Variants in C4orf36 observed in about 807,000 individuals in gnomAD.
The protein encoded by C4orf36 is chromosome 4 open reading frame 36, also known as uncharacterized protein C4orf36.
C4orf36 carries 11 observed loss-of-function variants against 12.2 expected under a neutral mutation model. That is an observed-to-expected ratio of 0.90 (90% confidence interval 0.57 to 1.49). The LOEUF (loss-of-function observed/expected upper bound fraction) is 1.49, where lower values mean the gene tolerates loss of function less well. C4orf36 is among the 40% of genes most tolerant of loss of function. The pLI is 0.00. For missense variants in C4orf36, 137 were observed against 133.9 expected, an observed-to-expected ratio of 1.02 and a Z score of -0.11; for synonymous variants, 54 against 51.3, an observed-to-expected ratio of 1.05 and a Z score of -0.22.
the C4orf36 span, chr4:86,935,252 C>CCTGCGCCACCCAGGGCTGGGGGTCGAT: frequency 6.6e-6 from 1 of 152,358 alleles, no homozygotes; most frequent in Non-Finnish European, 1.5e-5. Context: ...TGAGCGCAGC[C>CCTGCGCCACCCAGGGCTGGGGGTCGAT]CTGCGCCACC....
chr4:86,901,545 C>G, the C4orf36 span, among the ~76,000 whole-genome samples: 8 of 150,740 alleles, frequency 5.3e-5, no homozygotes, highest in Middle Eastern at 3.4e-3. Flanking sequence ...GTAGCTGGGA[C>G]TACAGGCACC....
chr4:86,927,220 T>G, the C4orf36 span, among the ~76,000 whole-genome samples: 1 of 152,172 alleles, frequency 6.6e-6, no homozygotes, highest in African/African-American at 2.4e-5. Context: ...AAAGGACAGA[T>G]ATATCAAAAG....
At chr4:86,898,539 T>A in the C4orf36 span, among the ~76,000 whole-genome samples, 2 of 152,116 alleles carry the variant, frequency 1.3e-5, no homozygotes, top group African/African-American at 2.4e-5. Flanking sequence ...TCTATTTTTT[T>A]AAATAAATAA....
the C4orf36 span, among the ~76,000 whole-genome samples, chr4:86,920,205 C>G: frequency 1.1e-3 from 160 of 152,252 alleles, no homozygotes; most frequent in Non-Finnish European, 1.2e-3. Flanking sequence ...CCATGTAAGA[C>G]CTCATCAGAT....
chr4:86,927,486 G>GA, the C4orf36 span, among the ~76,000 whole-genome samples: 1 of 152,000 alleles, frequency 6.6e-6, no homozygotes, highest in Admixed American at 6.5e-5. Context: ...AGTGAAGTCA[G>GA]AAAGACTGGT....
chr4:86,910,847 C>T, the C4orf36 span, among the ~76,000 whole-genome samples: 6 of 151,908 alleles, frequency 3.9e-5, no homozygotes, highest in East Asian at 1.9e-4. Context: ...GGGTGGATCA[C>T]GAGGTCAAGA....
At chr4:86,913,698 C>A in the C4orf36 span, 1 of 1,603,870 alleles carries the variant, frequency 6.2e-7, no homozygotes, top group Non-Finnish European at 8.5e-7. Context: ...CCAGGCCAGG[C>A]GGCTCCCACT....
intron 2 of C4orf36, 21 bp downstream of exon 2, chr4:86,891,433 TAA>T (rs55723875): frequency 0.012 from 15,160 of 1,218,816 alleles, 4 homozygotes; most frequent in South Asian, 0.019. Flanking sequence ...TACCCTGATT[TAA>T]AAAAAAAAAA....
At chr4:86,906,688 A>C in the C4orf36 span, among the ~76,000 whole-genome samples, 1 of 141,188 alleles carries the variant, frequency 7.1e-6, no homozygotes. Flanking sequence ...TTGAGATCGC[A>C]TCGCTACACT....
rs567181274 is a variant in C4orf36 at position 86,889,422 on chromosome 4, C to T, written c.66-1147G>A. Reference sequence around the variant, plus strand: ...GAGCCTGATTAAACAAACTGTAGTACAAACATGTAATGAAAGAATAAGGAT... The same window carrying T: ...GAGCCTGATTAAACAAACTGTAGTATAAACATGTAATGAAAGAATAAGGAT... On this transcript the variant is annotated intron_variant, in intron 2 of 4. Coordinates refer to ENST00000295898, the MANE Select transcript of C4orf36 (RefSeq NM_144645.4). Among the ~76,000 whole-genome samples the T allele has an allele frequency of 6.4e-4, 97 of 151,060 alleles. No individual in the cohort carries two copies. The South Asian group carries it at 0.02, about 31-fold the overall frequency.
chr4:86,885,206 T>C (rs1300324217), intron 4 of C4orf36, among the ~76,000 whole-genome samples: 1 of 152,178 alleles, frequency 6.6e-6, no homozygotes, highest in Admixed American at 6.5e-5. Context: ...CATATGAACT[T>C]TGAAGTAGTT....
chr4:86,889,351 CAAAA>C (rs11357505), intron 2 of C4orf36, among the ~76,000 whole-genome samples: 1 of 118,274 alleles, frequency 8.5e-6, no homozygotes, highest in Non-Finnish European at 1.8e-5. Flanking sequence ...AACTCCGTCT[CAAAA>C]AAAAAAAAAA....
chr4:86,911,287 C>A, the C4orf36 span, among the ~76,000 whole-genome samples: 1 of 152,046 alleles, frequency 6.6e-6, no homozygotes, highest in African/African-American at 2.4e-5. Flanking sequence ...GAGATCCCAG[C>A]CTTTTCATAG....
At chr4:86,911,996 G>T in the C4orf36 span, among the ~76,000 whole-genome samples, 1 of 152,162 alleles carries the variant, frequency 6.6e-6, no homozygotes, top group Non-Finnish European at 1.5e-5. Flanking sequence ...AAGTAGCTGG[G>T]ATTACAGGCA....
chr4:86,892,449 T>A, upstream of C4orf36: 3 of 985,302 alleles, frequency 3.0e-6, no homozygotes, highest in Non-Finnish European at 3.6e-6. Context: ...CACGGGAGCC[T>A]CAACAAAGGG....
the C4orf36 span, chr4:86,913,886 T>C: frequency 3.3e-5 from 33 of 999,716 alleles, no homozygotes; most frequent in Non-Finnish European, 4.7e-5. Context: ...TGGAGTGCAG[T>C]GGCACGATCT....
At chr4:86,918,108 T>C in the C4orf36 span, among the ~76,000 whole-genome samples, 1 of 152,170 alleles carries the variant, frequency 6.6e-6, no homozygotes, top group Admixed American at 6.5e-5. Flanking sequence ...TCTCTCTCAG[T>C]CCTTTTTTTA....
At chr4:86,925,825 A>G in the C4orf36 span, 1 of 147,724 alleles carries the variant, frequency 6.8e-6, no homozygotes, top group African/African-American at 2.5e-5. Context: ...TTCATCTTAA[A>G]TTATAAGAAA....
chr4:86,887,533 A>G (rs1747222886), intron 4 of C4orf36: 2 of 421,488 alleles, frequency 4.7e-6, no homozygotes. Context: ...CTCCAAATGC[A>G]TTTTCATCTA....
Sources: gnomAD v4.1 joint callset for allele counts (sites outside exome capture counted in the v4.1 genomes callset) on GRCh38, gnomAD v4.1.1 for gene constraint, MANE v1.5 for transcripts, NCBI Gene and HGNC (gene_info 2026-07-23, HGNC 2026-07-21) for gene names.